RSPO3: variants seen among roughly 807,000 people sequenced by gnomAD.
RSPO3 encodes R-spondin 3.
A neutral mutation model predicts 36.5 loss-of-function variants in RSPO3; 17 were observed. The ratio of observed to expected loss-of-function variants is 0.47; its 90% CI spans 0.32 to 0.70. The LOEUF is 0.70. Ranked by LOEUF, RSPO3 falls within the 30% of genes least tolerant of loss-of-function variation. The probability of loss-of-function intolerance (pLI) is 0.04; values close to 1 mark genes in which losing one functional copy is unlikely to be tolerated. For missense variants in RSPO3, 294 were observed against 322.5 expected (o/e 0.91, Z 0.68); for synonymous variants, 108 against 107.0 (o/e 1.01, Z -0.06).
At chr6:127,128,863 G>A (rs970666725) in intron 1 of RSPO3, among the ~76,000 whole-genome samples, 2 of 152,080 alleles carry the variant, frequency 1.3e-5, no homozygotes, top group African/African-American at 4.8e-5. Flanking sequence ...GCTACTAGGA[G>A]AGGTACAAAC....
intron 4 of RSPO3, among the ~76,000 whole-genome samples, chr6:127,192,338 C>A (rs1257300410): frequency 6.6e-6 from 1 of 152,194 alleles, no homozygotes; most frequent in African/African-American, 2.4e-5. Context: ...CCATGAGTAA[C>A]ATATGCCAGT....
At chr6:127,188,529 A>T (rs1248386561) in intron 4 of RSPO3, among the ~76,000 whole-genome samples, 1 of 151,948 alleles carries the variant, frequency 6.6e-6, no homozygotes, top group African/African-American at 2.4e-5. Flanking sequence ...ATGTAACAGT[A>T]GTAGTCTAAT....
chr6:127,119,672 G>A (rs1773798069), intron 1 of RSPO3, among the ~76,000 whole-genome samples: 1 of 152,246 alleles, frequency 6.6e-6, no homozygotes. Context: ...GGATGCCTCT[G>A]ACCGCTGAGT....
intron 4 of RSPO3, among the ~76,000 whole-genome samples, chr6:127,184,465 T>A (rs1027980067): frequency 6.6e-6 from 1 of 151,988 alleles, no homozygotes; most frequent in Non-Finnish European, 1.5e-5. Context: ...ACACACTAGT[T>A]AGTAGCAAAG....
intron 1 of RSPO3, among the ~76,000 whole-genome samples, chr6:127,122,815 C>T (rs539814875): frequency 7.9e-5 from 12 of 152,022 alleles, no homozygotes; most frequent in South Asian, 4.1e-4. Context: ...GTTTTCTAAA[C>T]GGAATATATC....
intron 1 of RSPO3, among the ~76,000 whole-genome samples, chr6:127,143,042 C>T (rs755363011): frequency 4.0e-5 from 6 of 151,358 alleles, no homozygotes; most frequent in Non-Finnish European, 7.4e-5. Context: ...TAGTCTCAAA[C>T]TCCTTGGCTC....
intron 2 of RSPO3, among the ~76,000 whole-genome samples, 192 bp downstream of exon 2, chr6:127,149,031 C>G (rs1354902994): frequency 1.3e-5 from 2 of 152,214 alleles, no homozygotes; most frequent in South Asian, 4.1e-4. Context: ...AAAAAGCACT[C>G]ATGTTTTGGT....
intron 1 of RSPO3, among the ~76,000 whole-genome samples, chr6:127,146,398 T>G (rs1411738558): frequency 6.6e-6 from 1 of 152,086 alleles, no homozygotes; most frequent in African/African-American, 2.4e-5. Context: ...GCAAGGTATT[T>G]TGGCACATCT....
At chr6:127,142,876 G>A (rs1334276285) in intron 1 of RSPO3, among the ~76,000 whole-genome samples, 2 of 151,558 alleles carry the variant, frequency 1.3e-5, no homozygotes, top group African/African-American at 4.9e-5. Context: ...GAGTGCAATG[G>A]TACAGTCTTG....
chr6:127,195,487 A>AAGGG (rs1393899200), intron 4 of RSPO3, among the ~76,000 whole-genome samples: 1 of 152,238 alleles, frequency 6.6e-6, no homozygotes, highest in Non-Finnish European at 1.5e-5. Flanking sequence ...CATTTTAATA[A>AAGGG]ATGTTTTCAA....
At chr6:127,155,812 T>C (rs1234202702) in intron 4 of RSPO3, among the ~76,000 whole-genome samples, 1 of 151,966 alleles carries the variant, frequency 6.6e-6, no homozygotes, top group Non-Finnish European at 1.5e-5. Flanking sequence ...CCATCAAACA[T>C]TCCTTTCCTC....
rs929844920 is a variant in RSPO3, at chr6:127,192,776, G to GTA, written c.635-3037_635-3036dup. The GTA allele has an allele frequency of 2.3e-4, 152 of 655,268 alleles. 1 individual carries two copies. The highest frequency in any genetic ancestry group is 2.0e-3 in the African/African-American group (99 of 50,708). The allele number at this position is 655,268 out of a possible 1,614,324, so 40.6% of individuals were successfully genotyped here. On this transcript the variant is annotated intron_variant, in intron 4 of 4. Coordinates refer to ENST00000356698, the MANE Select transcript of RSPO3 (RefSeq NM_032784.5). ...TGAATGGCAAAGCACACGTGTGTGT[G>GTA]TATATATATATGTGTGTGTATATAT...
At chr6:127,145,429 G>T (rs1190156592) in intron 1 of RSPO3, among the ~76,000 whole-genome samples, 1 of 152,022 alleles carries the variant, frequency 6.6e-6, no homozygotes, top group Non-Finnish European at 1.5e-5. Context: ...TTCAATCACT[G>T]GTGTGATTGA....
At chr6:127,159,245 T>C (rs1774657905) in intron 4 of RSPO3, among the ~76,000 whole-genome samples, 1 of 152,148 alleles carries the variant, frequency 6.6e-6, no homozygotes, top group South Asian at 2.1e-4. Flanking sequence ...TAAAGAGAAT[T>C]TCCTATAGAT....
chr6:127,124,302 C>CA (rs1191092830), intron 1 of RSPO3, among the ~76,000 whole-genome samples: 4 of 151,942 alleles, frequency 2.6e-5, no homozygotes, highest in African/African-American at 9.7e-5. Context: ...ATCCCCACCC[C>CA]AAAAAAATTA....
rs563673848 is a variant in RSPO3 at position 127,127,234 on chromosome 6, G to T, written c.97+7945G>T. On this transcript the variant is annotated intron_variant, in intron 1 of 4. Coordinates refer to ENST00000356698, the MANE Select transcript of RSPO3 (RefSeq NM_032784.5). ...TTCTTAACATATGCTCGATAAGTTG[G>T]TAAGAAAAACAGCAGTCCTTTCTCA... Among the ~76,000 whole-genome samples the T allele has an allele frequency of 9.2e-5, 14 of 152,164 alleles. No homozygotes were observed. The South Asian group carries it at 2.9e-3, about 32-fold the overall frequency.
intron 3 of RSPO3, among the ~76,000 whole-genome samples, chr6:127,153,898 T>C (rs1475480540): frequency 1.3e-5 from 2 of 152,084 alleles, no homozygotes; most frequent in Non-Finnish European, 2.9e-5. Context: ...CAGCAAGAGA[T>C]TATAATATTA....
rs74989637 is a variant in RSPO3, at chr6:127,132,210, A to C, written c.97+12921A>C. On this transcript the variant is annotated intron_variant, in intron 1 of 4. Coordinates refer to ENST00000356698, the MANE Select transcript of RSPO3 (RefSeq NM_032784.5). ...TGTTTATAGAAATCTTTTCCACTAG[A>C]GATTAAACAAAGTTTAAGTAACTGT... Among the ~76,000 whole-genome samples, 1,427 of 152,216 alleles carry C rather than the reference A, an allele frequency of 9.4e-3. 22 individuals are homozygous for C. Among genetic ancestry groups the C allele is most frequent in the African/African-American group, 0.033 (1,370 of 41,548 alleles).
In RSPO3 at chr6:127,197,944, G is replaced by C. The variant is rs185627105; in HGVS notation, c.*1937G>C. Among the ~76,000 whole-genome samples, 435 of 152,302 alleles carry C rather than the reference G, an allele frequency of 2.9e-3. No homozygotes were observed. The highest frequency in any genetic ancestry group is 6.8e-3 in the Middle Eastern group (2 of 294). ...GATGTTAGGTAGAAATATGTCCCCA[G>C]GTTTGAGACCTTTCGGATGATTTCA... On this transcript the variant is annotated 3_prime_UTR_variant, in exon 5 of 5. Transcript: ENST00000356698.
Sources: gnomAD v4.1 joint callset for allele counts (sites outside exome capture counted in the v4.1 genomes callset) on GRCh38, gnomAD v4.1.1 for gene constraint, MANE v1.5 for transcripts, NCBI Gene and HGNC (gene_info 2026-07-23, HGNC 2026-07-21) for gene names.